CDH12: variants seen among roughly 807,000 people sequenced by gnomAD.
The protein encoded by CDH12 is cadherin-12.
Under a neutral mutation model 74.1 loss-of-function variants are expected in CDH12, and 41 were observed. The ratio of observed to expected loss-of-function variants is 0.55; its 90% CI spans 0.43 to 0.72. The LOEUF is 0.72. CDH12 is among the 30% of genes least tolerant of loss of function. CDH12 has a pLI of 0.00. For synonymous variants in CDH12, 399 were observed against 355.0 expected (o/e 1.12, Z -1.39); for missense variants, 945 against 977.2 (o/e 0.97, Z 0.44).
chr5:22,301,568 C>T (rs898131164), intron 3 of CDH12, among the ~76,000 whole-genome samples: 4 of 152,084 alleles, frequency 2.6e-5, no homozygotes, highest in Non-Finnish European at 4.4e-5. Flanking sequence ...GATTTTGACT[C>T]CCAATTTTAT....
intron 2 of CDH12, among the ~76,000 whole-genome samples, chr5:22,414,123 T>C (rs1743282457): frequency 6.6e-6 from 1 of 152,026 alleles, no homozygotes; most frequent in African/African-American, 2.4e-5. Context: ...ACTGAAAATA[T>C]TTGAGCTAAT....
intron 1 of CDH12, among the ~76,000 whole-genome samples, chr5:22,670,132 T>C (rs923604429): frequency 1.3e-5 from 2 of 152,138 alleles, no homozygotes; most frequent in African/African-American, 4.8e-5. Flanking sequence ...TAAGATGCCA[T>C]ACTTTAAGAC....
intron 4 of CDH12, among the ~76,000 whole-genome samples, chr5:22,153,383 T>C (rs1278371778): frequency 6.6e-6 from 1 of 151,816 alleles, no homozygotes; most frequent in Non-Finnish European, 1.5e-5. Context: ...CTCCACTCAC[T>C]GATTTCCCAT....
intron 6 of CDH12, among the ~76,000 whole-genome samples, chr5:21,917,043 C>CT (rs546044593): frequency 3.9e-5 from 6 of 152,180 alleles, no homozygotes; most frequent in Non-Finnish European, 7.4e-5. Flanking sequence ...TCTGCTACAC[C>CT]TTTCCCTCCT....
chr5:22,292,271 C>G (rs183075264), intron 3 of CDH12, among the ~76,000 whole-genome samples: 1 of 151,362 alleles, frequency 6.6e-6, no homozygotes. Flanking sequence ...AGGGGGTAAC[C>G]TCTATGACAA....
intron 8 of CDH12, among the ~76,000 whole-genome samples, chr5:21,828,921 T>C (rs1489920699): frequency 6.6e-6 from 1 of 150,702 alleles, no homozygotes; most frequent in African/African-American, 2.4e-5. Flanking sequence ...TTTTTTTTTT[T>C]TTTTTTTTTT....
intron 1 of CDH12, among the ~76,000 whole-genome samples, chr5:22,640,059 A>G (rs1739066003): frequency 6.6e-6 from 1 of 152,200 alleles, no homozygotes; most frequent in South Asian, 2.1e-4. Context: ...AATAAACAAT[A>G]AAGAAAGTGG....
intron 3 of CDH12, among the ~76,000 whole-genome samples, chr5:22,269,150 C>T (rs1056064205): frequency 6.6e-5 from 10 of 152,126 alleles, no homozygotes; most frequent in African/African-American, 2.4e-4. Context: ...TGTGCTTAAA[C>T]ACTTCTTGAC....
In CDH12 at chr5:21,780,839, C is replaced by A. The variant is rs762714215; in HGVS notation, c.1393+2519G>T. On this transcript the variant is annotated intron_variant, in intron 11 of 14. Coordinates refer to ENST00000382254, the MANE Select transcript of CDH12 (RefSeq NM_004061.5). Reference sequence around the variant, plus strand: ...AAAATTATGATATATTTTAGCTGTCCCCAAATTCTGCATAAATGAAATAAA... The same window carrying A: ...AAAATTATGATATATTTTAGCTGTCACCAAATTCTGCATAAATGAAATAAA... Among the ~76,000 whole-genome samples the A allele has an allele frequency of 7.2e-4, 109 of 151,954 alleles. 1 individual carries two copies. Among genetic ancestry groups the A allele is most frequent in the Non-Finnish European group, 1.4e-3 (98 of 67,958 alleles).
intron 3 of CDH12, among the ~76,000 whole-genome samples, chr5:22,332,640 C>T (rs1739397592): frequency 6.6e-6 from 1 of 151,958 alleles, no homozygotes; most frequent in African/African-American, 2.4e-5. Flanking sequence ...ACAACCCCAT[C>T]AAAAAGTGGG....
chr5:22,658,699 G>A (rs911887535), intron 1 of CDH12, among the ~76,000 whole-genome samples: 21 of 152,080 alleles, frequency 1.4e-4, no homozygotes, highest in African/African-American at 5.1e-4. Flanking sequence ...CACGTTTCAA[G>A]AGGTCGAGTG....
chr5:22,642,144 A>G (rs529494102), intron 1 of CDH12, among the ~76,000 whole-genome samples: 1 of 152,254 alleles, frequency 6.6e-6, no homozygotes, highest in Non-Finnish European at 1.5e-5. Flanking sequence ...AATAATTTCA[A>G]ATACTTTTCG....
At chr5:22,720,052 A>C (rs896454045) in intron 1 of CDH12, among the ~76,000 whole-genome samples, 2 of 151,742 alleles carry the variant, frequency 1.3e-5, no homozygotes, top group Admixed American at 1.3e-4. Flanking sequence ...ACACACACAC[A>C]CACACACAGA....
chr5:22,844,715 GCTGA>G (rs1737224701), intron 1 of CDH12, among the ~76,000 whole-genome samples: 1 of 152,142 alleles, frequency 6.6e-6, no homozygotes, highest in Non-Finnish European at 1.5e-5. Flanking sequence ...TCCACTCTAA[GCTGA>G]CTTTCATAAT....
At chr5:21,966,886 C>A (rs1411014045) in intron 6 of CDH12, among the ~76,000 whole-genome samples, 2 of 152,144 alleles carry the variant, frequency 1.3e-5, no homozygotes, top group African/African-American at 4.8e-5. Context: ...GAATCGCATG[C>A]AGTTGTCACA....
chr5:22,507,863 T>G lies in CDH12; in HGVS notation c.-522-2499A>C, dbSNP rs528727632. ...GGTGCTGCCATCCCTTCAGAGGGTC[T>G]AGGGGAAAATCCATTTCTCGCCTCT... is the stretch of plus-strand genomic sequence containing the variant. On this transcript the variant is annotated intron_variant, in intron 1 of 14. Transcript: ENST00000382254. Among the ~76,000 whole-genome samples the G allele has an allele frequency of 5.9e-5, 9 of 152,308 alleles. 1 individual carries two copies. The highest frequency in any genetic ancestry group is 2.6e-4 in the Admixed American group (4 of 15,298).
At chr5:22,387,340 A>T (rs1742044014) in intron 3 of CDH12, among the ~76,000 whole-genome samples, 1 of 152,156 alleles carries the variant, frequency 6.6e-6, no homozygotes, top group African/African-American at 2.4e-5. Flanking sequence ...ATTTTTAAAA[A>T]ATAAATTCTC....
intron 6 of CDH12, among the ~76,000 whole-genome samples, chr5:21,856,774 A>G (rs1023032596): frequency 5.9e-5 from 9 of 151,916 alleles, no homozygotes; most frequent in Middle Eastern, 3.4e-3. Flanking sequence ...ATATTTTTTC[A>G]TAAAACCCCA....
At chr5:22,367,870 A>G (rs1311515749) in intron 3 of CDH12, among the ~76,000 whole-genome samples, 1 of 152,168 alleles carries the variant, frequency 6.6e-6, no homozygotes, top group Non-Finnish European at 1.5e-5. Context: ...CGTATAACAA[A>G]CCATATCCAT....
Sources: gnomAD v4.1 joint callset for allele counts (sites outside exome capture counted in the v4.1 genomes callset) on GRCh38, gnomAD v4.1.1 for gene constraint, MANE v1.5 for transcripts, NCBI Gene and HGNC (gene_info 2026-07-23, HGNC 2026-07-21) for gene names.